Variants in IFNGR2 observed in about 807,000 individuals in gnomAD.
The protein encoded by IFNGR2 is IFN-gamma receptor 2.
In IFNGR2, 15 loss-of-function variants were observed where a neutral mutation model predicts 41.1. That is an observed-to-expected ratio of 0.37 (90% CI 0.24 to 0.56). The LOEUF is 0.56. Ranked by LOEUF, IFNGR2 falls within the 20% of genes least tolerant of loss-of-function variation. The pLI is 0.81. For synonymous variants in IFNGR2, 161 were observed against 171.6 expected, an observed-to-expected ratio of 0.94 and a Z score of 0.48; for missense variants, 362 against 415.7, an observed-to-expected ratio of 0.87 and a Z score of 1.12.
Position 33,437,094 on chromosome 21 carries a change from T to C in IFNGR2, c.*132T>C, listed in dbSNP as rs1473615648. The C allele has an allele frequency of 2.4e-6, 2 of 835,098 alleles. No individual in the cohort carries two copies. The highest frequency in any genetic ancestry group is 1.7e-5 in the African/African-American group (1 of 59,028). The allele number at this position is 835,098 out of a possible 1,614,324, so 51.7% of individuals were successfully genotyped here. A position where few individuals can be genotyped will look rare whatever the true frequency, so the allele number is the denominator to read the frequency against. On this transcript the variant is annotated 3_prime_UTR_variant, in exon 7 of 7. Coordinates refer to ENST00000290219, the MANE Select transcript of IFNGR2 (RefSeq NM_005534.4). ...TCTAAAAGGCCTGTCCCTGCAGACA[T>C]GAGAGACAGCAGGTCTCATGGGGGT...
At chr21:33,435,755 C>T (rs1309882191) in intron 6 of IFNGR2, among the ~76,000 whole-genome samples, 3 of 151,846 alleles carry the variant, frequency 2.0e-5, no homozygotes, top group African/African-American at 4.8e-5. Context: ...TGGTGGCATG[C>T]GCCTGTAGTC....
intron 1 of IFNGR2, chr21:33,410,788 T>A: frequency 8.0e-7 from 1 of 1,250,338 alleles, no homozygotes; most frequent in Non-Finnish European, 1.1e-6. Flanking sequence ...ACTTTTTACA[T>A]GTTGTATTTT....
At chr21:33,435,162 A>G (rs982250813) in intron 6 of IFNGR2, among the ~76,000 whole-genome samples, 1 of 152,212 alleles carries the variant, frequency 6.6e-6, no homozygotes, top group Non-Finnish European at 1.5e-5. Context: ...GGCTAAGCCT[A>G]AAGCCTGCGG....
chr21:33,405,103 G>GAAAAAAAA (rs3057379), intron 1 of IFNGR2, among the ~76,000 whole-genome samples: 5 of 119,810 alleles, frequency 4.2e-5, no homozygotes, highest in African/African-American at 8.9e-5. Flanking sequence ...CTCTGTCTCA[G>GAAAAAAAA]AAAAAAAAAA....
At chr21:33,414,484 G>A (rs529144692) in intron 1 of IFNGR2, among the ~76,000 whole-genome samples, 1 of 152,342 alleles carries the variant, frequency 6.6e-6, no homozygotes, top group African/African-American at 2.4e-5. Flanking sequence ...AGCCCTGTGG[G>A]TGTATCATTA....
At chr21:33,408,458 A>C (rs568138664) in intron 1 of IFNGR2, among the ~76,000 whole-genome samples, 1 of 152,068 alleles carries the variant, frequency 6.6e-6, no homozygotes, top group African/African-American at 2.4e-5. Context: ...AACCTCCCAA[A>C]GTGCTGGGAT....
intron 1 of IFNGR2, among the ~76,000 whole-genome samples, chr21:33,406,917 A>C (rs2083681498): frequency 6.6e-6 from 1 of 151,980 alleles, no homozygotes; most frequent in Non-Finnish European, 1.5e-5. Flanking sequence ...CCAAAGTGCT[A>C]GGATTATAGA....
At chr21:33,420,764 C>T (rs1412005160) in intron 2 of IFNGR2, among the ~76,000 whole-genome samples, 8 of 152,180 alleles carry the variant, frequency 5.3e-5, no homozygotes, top group Admixed American at 5.2e-4. Flanking sequence ...TTAAAAACCA[C>T]AGCTGGGCAC....
chr21:33,431,282 A>C (rs2083883940), intron 4 of IFNGR2, among the ~76,000 whole-genome samples: 1 of 152,204 alleles, frequency 6.6e-6, no homozygotes, highest in Non-Finnish European at 1.5e-5. Context: ...TGAGATACAA[A>C]ATGTTGGCCA....
chr21:33,405,103 G>GAAAAAAAAAAAAAAAAAA, intron 1 of IFNGR2, among the ~76,000 whole-genome samples: 1 of 119,834 alleles, frequency 8.3e-6, no homozygotes, highest in Non-Finnish European at 1.8e-5. Flanking sequence ...CTCTGTCTCA[G>GAAAAAAAAAAAAAAAAAA]AAAAAAAAAA....
chr21:33,421,736 A>G (rs1274249603), intron 3 of IFNGR2, 51 bp downstream of exon 3: 2 of 1,427,874 alleles, frequency 1.4e-6, no homozygotes, highest in South Asian at 2.3e-5. Context: ...GGTTTTCTTC[A>G]CTTGCGGTAT....
intron 4 of IFNGR2, among the ~76,000 whole-genome samples, chr21:33,430,492 G>C (rs1007997400): frequency 6.6e-6 from 1 of 152,034 alleles, no homozygotes; most frequent in African/African-American, 2.4e-5. Flanking sequence ...ACCCAGGCTG[G>C]AGTGCAGTGG....
intron 6 of IFNGR2, among the ~76,000 whole-genome samples, chr21:33,435,843 C>T (rs2083940984): frequency 7.5e-6 from 1 of 133,382 alleles, no homozygotes; most frequent in Admixed American, 8.4e-5. Flanking sequence ...AGATCCACGC[C>T]ACTGCACTCC....
intron 6 of IFNGR2, among the ~76,000 whole-genome samples, chr21:33,435,120 A>T (rs1160268189): frequency 6.6e-6 from 1 of 152,232 alleles, no homozygotes; most frequent in East Asian, 1.9e-4. Context: ...CAAGAGCTAG[A>T]CACTAGATTC....
rs1302367704 is a variant in IFNGR2, at chr21:33,434,960, C to T, written c.880-1868C>T. On this transcript the variant is annotated intron_variant, in intron 6 of 6. Transcript: ENST00000290219. ...CACTTTTCTAGGAAAGCATAAAGAA[C>T]ATCCGCCAAAGGTCTCTGAGTTACA... is the stretch of plus-strand genomic sequence containing the variant. Among the ~76,000 whole-genome samples the T allele has an allele frequency of 1.8e-4, 28 of 152,280 alleles. 1 individual carries two copies. Among genetic ancestry groups the T allele is most frequent in the African/African-American group, 2.4e-5 (1 of 41,552 alleles).
Position 33,403,429 on chromosome 21 carries a change from C to G in IFNGR2, c.-115C>G, listed in dbSNP as rs1054673896. On this transcript the variant is annotated 5_prime_UTR_variant, in exon 1 of 7. Coordinates refer to ENST00000290219, the MANE Select transcript of IFNGR2 (RefSeq NM_005534.4). ...CGCCCCGCTGCTGCTCGGGAAGAGGCGGGCCCTGCGCGCCCTGCGCTCGCC... is the reference window on the plus strand; with the variant it reads ...CGCCCCGCTGCTGCTCGGGAAGAGGGGGGCCCTGCGCGCCCTGCGCTCGCC... 2.1e-6 allele frequency: 1 copy of G among 481,094 alleles called. No individual in the cohort carries two copies. The highest frequency in any genetic ancestry group is 2.8e-6 in the Non-Finnish European group (1 of 353,414). 29.8% of individuals were successfully genotyped at this position (481,094 alleles called of 1,614,324 possible).
chr21:33,436,994 T>C lies in IFNGR2; in HGVS notation c.*32T>C. On this transcript the variant is annotated 3_prime_UTR_variant, in exon 7 of 7. Transcript: ENST00000290219. ...GCATGGGCCTAGCCCACTGGCTCCC[T>C]GGAAGAGATCAAGCCATCGGAGCTG... 6.2e-7 allele frequency: 1 copy of C among 1,612,440 alleles called. No homozygotes were observed. Among genetic ancestry groups the C allele is most frequent in the Non-Finnish European group, 8.5e-7 (1 of 1,178,674 alleles).
At chr21:33,404,753 T>C (rs888671351) in intron 1 of IFNGR2, among the ~76,000 whole-genome samples, 4 of 152,270 alleles carry the variant, frequency 2.6e-5, no homozygotes, top group Admixed American at 6.5e-5. Flanking sequence ...AAACCGGTTC[T>C]GTCCCTACCC....
chr21:33,436,813 T>C lies in IFNGR2; in HGVS notation c.880-15T>C. ...TGGTAAACTAATTACAATTTTGCTT[T>C]CCAACCTCCTCAAGTATTTAAAAGA... is the stretch of plus-strand genomic sequence containing the variant. On this transcript the variant is annotated splice_polypyrimidine_tract_variant and intron_variant, in intron 6 of 6. Coordinates refer to ENST00000290219, the MANE Select transcript of IFNGR2 (RefSeq NM_005534.4). 6.2e-7 allele frequency: 1 copy of C among 1,613,516 alleles called. No individual in the cohort carries two copies. The highest frequency in any genetic ancestry group is 8.5e-7 in the Non-Finnish European group (1 of 1,179,424).
Sources: gnomAD v4.1 joint callset for allele counts (sites outside exome capture counted in the v4.1 genomes callset) on GRCh38, gnomAD v4.1.1 for gene constraint, MANE v1.5 for transcripts, NCBI Gene and HGNC (gene_info 2026-07-23, HGNC 2026-07-21) for gene names.